Variants in KAZN observed in about 807,000 individuals in gnomAD.
KAZN encodes kazrin, periplakin interacting protein.
KAZN carries 40 observed loss-of-function variants against 87.4 expected under a neutral mutation model. That is an observed-to-expected ratio of 0.46 (90% CI 0.36 to 0.60). The LOEUF is 0.60. Ranked by LOEUF, KAZN falls within the 20% of genes least tolerant of loss-of-function variation. The probability of loss-of-function intolerance (pLI) is 0.00; values close to 1 mark genes in which losing one functional copy is unlikely to be tolerated. For synonymous variants in KAZN, 466 were observed against 458.3 expected (o/e 1.02, Z -0.22); for missense variants, 898 against 1,073.9 (o/e 0.84, Z 2.29).
intron 2 of KAZN, among the ~76,000 whole-genome samples, chr1:14,583,673 G>A (rs1675685368): frequency 2.0e-5 from 3 of 152,216 alleles, no homozygotes; most frequent in Admixed American, 1.3e-4. Flanking sequence ...TGGTGAGGGG[G>A]CAGCTATGGG....
At chr1:14,561,150 G>A (rs944279012) in intron 2 of KAZN, among the ~76,000 whole-genome samples, 1 of 152,236 alleles carries the variant, frequency 6.6e-6, no homozygotes, top group African/African-American at 2.4e-5. Flanking sequence ...TGGCCAGCCT[G>A]TGGATTGGCT....
At chr1:14,562,317 C>T (rs1290836561) in intron 2 of KAZN, among the ~76,000 whole-genome samples, 4 of 152,110 alleles carry the variant, frequency 2.6e-5, no homozygotes, top group Non-Finnish European at 4.4e-5. Context: ...ATTTGGGATA[C>T]GGAAAAAGTA....
Position 14,283,498 on chromosome 1 carries a change from A to G in KAZN, c.249+102906A>G, listed in dbSNP as rs541480159. On this transcript the variant is annotated intron_variant, in intron 2 of 16. Transcript: ENST00000636203. Reference sequence around the variant, plus strand: ...ATAAATGTATGAAAAGATGCTCAACATCGTTAACTATCAGGGAAATGAAAA... The same window carrying G: ...ATAAATGTATGAAAAGATGCTCAACGTCGTTAACTATCAGGGAAATGAAAA... 2.0e-5 allele frequency among the ~76,000 whole-genome samples: 3 copies of G among 152,346 alleles called. No individual in the cohort carries two copies. In the South Asian group the frequency reaches 6.2e-4, roughly 32 times the overall value.
At chr1:15,024,578 G>A (rs901234249) in intron 2 of KAZN, among the ~76,000 whole-genome samples, 2 of 152,206 alleles carry the variant, frequency 1.3e-5, no homozygotes, top group African/African-American at 2.4e-5. Flanking sequence ...ATGGTCCGAG[G>A]AGCCTCTTGT....
rs200055561 is a variant in KAZN at position 15,050,093 on chromosome 1, CAGTAG to C, written c.726+5955_726+5959del. On this transcript the variant is annotated intron_variant, in intron 4 of 14. Transcript: ENST00000376030. ...GAGTAGAGTAGAGTACAGTAGAGTA[CAGTAG>C]AGTAGAGTAGAGTAGAGTAGTAGAG... 8.7e-4 allele frequency among the ~76,000 whole-genome samples: 87 copies of C among 100,362 alleles called. 3 individuals are homozygous for C. Among genetic ancestry groups the C allele is most frequent in the Middle Eastern group, 0.011 (2 of 174 alleles). 65.8% of individuals were successfully genotyped at this position (100,362 alleles called of 152,430 possible). A position where few individuals can be genotyped will look rare whatever the true frequency, so the allele number is the denominator to read the frequency against.
At chr1:14,969,721 G>A (rs565851280) in intron 2 of KAZN, among the ~76,000 whole-genome samples, 1 of 152,338 alleles carries the variant, frequency 6.6e-6, no homozygotes, top group African/African-American at 2.4e-5. Flanking sequence ...CACTGGACCT[G>A]CTTTCAGCAC....
intron 2 of KAZN, among the ~76,000 whole-genome samples, chr1:14,478,953 C>T (rs906711351): frequency 1.3e-5 from 2 of 152,160 alleles, no homozygotes; most frequent in African/African-American, 4.8e-5. Context: ...AAACAAGATA[C>T]AGGTATATTA....
chr1:15,093,964 T>C (rs914753413), intron 8 of KAZN, among the ~76,000 whole-genome samples: 1 of 152,252 alleles, frequency 6.6e-6, no homozygotes, highest in Non-Finnish European at 1.5e-5. Flanking sequence ...TTTATTTTTT[T>C]CTGGGATAAG....
Position 14,003,258 on chromosome 1 carries a change from C to T in KAZN, c.91+109502C>T, listed in dbSNP as rs140894167. ...AGGGTGGGTCAATAGGTGCAGCAAACCACCATGGCACATGTATACCTATGT... is the reference window on the plus strand; with the variant it reads ...AGGGTGGGTCAATAGGTGCAGCAAATCACCATGGCACATGTATACCTATGT... On this transcript the variant is annotated intron_variant, in intron 1 of 16. Coordinates refer to the KAZN transcript ENST00000636203. Among the ~76,000 whole-genome samples the T allele has an allele frequency of 2.5e-3, 382 of 151,262 alleles. 4 individuals are homozygous for T. Among genetic ancestry groups the T allele is most frequent in the African/African-American group, 9.0e-3 (372 of 41,168 alleles).
rs1338460918 is a variant in KAZN, at chr1:14,820,101, A to C, written c.227-140583A>C. ...TTTAATGTGCTCAGGAATCACCTGG[A>C]GAATTTGTGAATTTATGAAAACAGT... On this transcript the variant is annotated intron_variant, in intron 1 of 14. Transcript: ENST00000376030. The surrounding 1 kb of genome is among the most constrained non-coding windows in gnomAD (Gnocchi z 4.1). 6.6e-6 allele frequency among the ~76,000 whole-genome samples: 1 copy of C among 152,168 alleles called. No homozygotes were observed. Among genetic ancestry groups the C allele is most frequent in the Admixed American group, 6.5e-5 (1 of 15,280 alleles).
chr1:15,093,334 C>T (rs961488814), intron 8 of KAZN, among the ~76,000 whole-genome samples: 1 of 151,866 alleles, frequency 6.6e-6, no homozygotes, highest in South Asian at 2.1e-4. Context: ...TAGGTGGTGT[C>T]GATCTAGAAG....
intron 1 of KAZN, among the ~76,000 whole-genome samples, chr1:14,833,733 G>A (rs1557537128): frequency 6.6e-6 from 1 of 152,116 alleles, no homozygotes; most frequent in African/African-American, 2.4e-5. Flanking sequence ...GCCTGAAGAT[G>A]AGAGCTCTCT....
At chr1:14,628,336 A>G (rs1435130691) in intron 1 of KAZN, among the ~76,000 whole-genome samples, 5 of 152,222 alleles carry the variant, frequency 3.3e-5, no homozygotes, top group Admixed American at 2.6e-4. Context: ...GACTTTTTCA[A>G]TGAGATTGCA....
At chr1:14,968,837 A>G (rs10927602) in intron 2 of KAZN, among the ~76,000 whole-genome samples, 83,573 of 152,098 alleles carry the variant, frequency 0.55, 24,938 homozygotes, top group African/African-American at 0.79. Context: ...CCCTACCCCA[A>G]AGCTTGTGCC....
At chr1:13,918,170 G>T (rs1320481267) in intron 1 of KAZN, among the ~76,000 whole-genome samples, 1 of 152,190 alleles carries the variant, frequency 6.6e-6, no homozygotes, top group African/African-American at 2.4e-5. Flanking sequence ...TCCTCTGATG[G>T]ATCTGGGCAA....
chr1:13,947,080 CTG>C (rs1646471934), intron 1 of KAZN, among the ~76,000 whole-genome samples: 1 of 152,062 alleles, frequency 6.6e-6, no homozygotes, highest in South Asian at 2.1e-4. Flanking sequence ...CTGTATTAGT[CTG>C]TTTTCACACT....
chr1:14,821,745 T>C (rs768971724), intron 1 of KAZN, among the ~76,000 whole-genome samples: 11 of 152,100 alleles, frequency 7.2e-5, no homozygotes, highest in Non-Finnish European at 1.3e-4. Context: ...TCCAGAATTG[T>C]GAGAAAGTAA....
At chr1:14,063,769 T>G (rs1200715956) in intron 1 of KAZN, among the ~76,000 whole-genome samples, 5 of 152,140 alleles carry the variant, frequency 3.3e-5, no homozygotes, top group African/African-American at 1.2e-4. Context: ...GGGTAAGTTT[T>G]CCCCATACTG....
intron 2 of KAZN, among the ~76,000 whole-genome samples, chr1:14,417,139 C>T (rs1181477179): frequency 2.0e-5 from 3 of 150,486 alleles, no homozygotes; most frequent in Admixed American, 2.0e-4. Flanking sequence ...TTGCAGTGAC[C>T]CAAGATTGCA....
Sources: gnomAD v4.1 joint callset for allele counts (sites outside exome capture counted in the v4.1 genomes callset) on GRCh38, gnomAD v4.1.1 for gene constraint, Gnocchi (gnomAD v3.1) non-coding constraint, MANE v1.5 for transcripts, NCBI Gene and HGNC (gene_info 2026-07-23, HGNC 2026-07-21) for gene names.